Variants in SPTBN5 observed in about 807,000 individuals in gnomAD.
SPTBN5 encodes spectrin beta chain, non-erythrocytic 5.
In SPTBN5, 513 loss-of-function variants were observed where a neutral mutation model predicts 477.6. The observed-to-expected ratio is 1.07, with a 90% confidence interval of 1.00 to 1.16. SPTBN5 has a LOEUF of 1.16. Among genes scored for constraint, SPTBN5 ranks in the 50% most tolerant of loss-of-function variants. The pLI is 0.00. For missense variants in SPTBN5, 5,062 were observed against 4,731.8 expected (o/e 1.07, Z -2.05); for synonymous variants, 2,169 against 2,011.7 (o/e 1.08, Z -2.09).
chr15:41,851,379 G>A lies in SPTBN5; in HGVS notation c.10657-10C>T, dbSNP rs781032429. ...AGGAGCTCGAGCTAGGCTGTGGAGA[G>A]GAGGCGGGAAGGTCGCATGAGCCAC... On this transcript the variant is annotated splice_polypyrimidine_tract_variant and intron_variant, in intron 63 of 67. Coordinates refer to ENST00000320955, the MANE Select transcript of SPTBN5 (RefSeq NM_016642.4). 6.5e-7 allele frequency: 1 copy of A among 1,549,744 alleles called. No homozygotes were observed. Among genetic ancestry groups the A allele is most frequent in the Admixed American group, 2.0e-5 (1 of 50,946 alleles).
Position 41,852,874 on chromosome 15 carries a change from C to T in SPTBN5, c.10297G>A (p.Glu3433Lys). 6.2e-7 allele frequency: 1 copy of T among 1,607,670 alleles called. No homozygotes were observed. The highest frequency in any genetic ancestry group is 8.5e-7 in the Non-Finnish European group (1 of 1,176,512). The change falls in exon 60 of 68, where the codon GAG becomes AAG. Residue 3433 changes from glutamate to lysine, a missense_variant. Physicochemically the swap from Glu to Lys is moderately conservative, Grantham distance 56. Transcript: ENST00000320955. The stretch of plus-strand genomic sequence containing the variant: ...CCCTCCCAGCAGGCCAGCCAGGCCT[C>T]AGCCTGCTCCAGCCTCTGCCGAAGC... ...QKLRQRLEQA[E>K]AWLACWEGLL... is the part of the protein sequence containing the mutation.
rs574356509 is a variant in SPTBN5, at chr15:41,855,694, C to T, written c.9073G>A (p.Glu3025Lys). ...LAERGHVLDSEDMGHSAEATQ... is the reference protein window; with the variant it reads ...LAERGHVLDSKDMGHSAEATQ... ...GCTTCAGCACTGTGGCCCATGTCCTCGCTGTCCAGGACATGGCCCCGCTCA... is the reference window on the plus strand; with the variant it reads ...GCTTCAGCACTGTGGCCCATGTCCTTGCTGTCCAGGACATGGCCCCGCTCA... The change falls in exon 54 of 68, where the codon GAG becomes AAG. Residue 3025 changes from glutamate (E) to lysine (K), a missense_variant. Physicochemically the swap from Glu to Lys is moderately conservative, Grantham distance 56 (BLOSUM62 1). Transcript: ENST00000320955. 1.5e-5 allele frequency: 24 copies of T among 1,601,714 alleles called. No homozygotes were observed. The East Asian group carries it at 2.0e-4, about 14-fold the overall frequency.
At chr15:41,862,946 C>T (rs368603200) in intron 41 of SPTBN5, 43 bp from the exon 42 acceptor site, 3 of 1,528,606 alleles carry the variant, frequency 2.0e-6, no homozygotes, top group Non-Finnish European at 1.8e-6. Context: ...GCCTTTGCTT[C>T]GGCTCCTCCT....
Position 41,886,302 on chromosome 15 carries a change from A to G in SPTBN5, c.953T>C (p.Leu318Pro), listed in dbSNP as rs766350788. The change falls in exon 7 of 68, where the codon CTT (leucine) becomes CCT (proline). Residue 318 changes from leucine to proline, a missense_variant. Leu to Pro is a moderately conservative substitution (Grantham distance 98, BLOSUM62 -3). Transcript: ENST00000320955. ...CTGCTTCTCTGCAATCCAGCGTAGA[A>G]GGTCAGCCACCAGCTGCTCGTACTG... ...QTQYEQLVAD[L>P]LRWIAEKQMQ... 6.2e-7 allele frequency: 1 copy of G among 1,613,232 alleles called. No individual in the cohort carries two copies. The highest frequency in any genetic ancestry group is 8.5e-7 in the Non-Finnish European group (1 of 1,179,820).
At position 41,851,341 on chromosome 15, in the gene SPTBN5, C is replaced by CG. The variant is rs1567179440; in HGVS notation, c.10684dup (p.Arg3562ProfsTer15). The CG allele has an allele frequency of 3.2e-6, 5 of 1,550,920 alleles. No individual in the cohort carries two copies. The highest frequency in any genetic ancestry group is 4.4e-6 in the Non-Finnish European group (5 of 1,146,968). ...CAGAGAGCTGCCCTGCAAGTTCCCG[C>CG]GGCAGCTGTCCCAGGAGCTCGAGCT... is the stretch of plus-strand genomic sequence containing the variant. On this transcript the variant is annotated frameshift_variant, in exon 64 of 68. Coordinates refer to ENST00000320955, the MANE Select transcript of SPTBN5 (RefSeq NM_016642.4). LOFTEE classifies it high-confidence loss of function.
intron 34 of SPTBN5, 25 bp downstream of exon 34, chr15:41,868,044 A>T (rs1348556223): frequency 6.3e-7 from 1 of 1,584,200 alleles, no homozygotes; most frequent in Non-Finnish European, 8.5e-7. Flanking sequence ...GGCTGAGCGG[A>T]GTGTGAGGGC....
rs143702807 is a variant in SPTBN5 at position 41,867,980 on chromosome 15, A to C, written c.6207+89T>G. On this transcript the variant is annotated intron_variant, in intron 34 of 67. Transcript: ENST00000320955. ...TGCCTCATATTAGAGAAAAAGCCAGAGAGGCAGGAGGAAAGGGACTGAGCA... is the reference window on the plus strand; with the variant it reads ...TGCCTCATATTAGAGAAAAAGCCAGCGAGGCAGGAGGAAAGGGACTGAGCA... 3.8e-4 allele frequency: 555 copies of C among 1,449,732 alleles called. 2 individuals are homozygous for C. In the African/African-American group the frequency reaches 7.1e-3, roughly 18 times the overall value. 89.8% of individuals were successfully genotyped at this position (1,449,732 alleles called of 1,614,324 possible). A position where few individuals can be genotyped will look rare whatever the true frequency, so the allele number is the denominator to read the frequency against.
intron 66 of SPTBN5, 26 bp downstream of exon 66, chr15:41,850,828 C>G (rs771572547): frequency 9.6e-5 from 151 of 1,566,762 alleles, no homozygotes; most frequent in Non-Finnish European, 1.3e-4. Context: ...CGGCCGCCCT[C>G]CCCGCATCCT....
Position 41,857,021 on chromosome 15 carries a change from C to T in SPTBN5, c.8640G>A (p.Glu2880=). The T allele has an allele frequency of 1.2e-6, 2 of 1,603,742 alleles. No individual in the cohort carries two copies. Among genetic ancestry groups the T allele is most frequent in the Non-Finnish European group, 8.5e-7 (1 of 1,175,896 alleles). The stretch of plus-strand genomic sequence containing the variant: ...GGGCCGTCCTGCGCTCCTGCAGGGG[C>T]TCCCTCAGGCTCTTGAACCTGCAGC... ...RLLQRFKSLR[E]PLQERRTALE... The change falls in exon 52 of 68, where the codon GAG becomes GAA. Residue 2880 remains glutamate, a synonymous_variant. Transcript: ENST00000320955.
intron 5 of SPTBN5, among the ~76,000 whole-genome samples, chr15:41,887,677 G>GC (rs140918708): frequency 0.012 from 1,896 of 152,348 alleles, 41 homozygotes; most frequent in African/African-American, 0.043. Context: ...GGCAGGTGCT[G>GC]CAGGGTGTAG....
Position 41,887,443 on chromosome 15 carries a change from TG to T in SPTBN5, c.660-3del. On this transcript the variant is annotated splice_region_variant and splice_polypyrimidine_tract_variant and intron_variant, in intron 5 of 67. Transcript: ENST00000320955. The stretch of plus-strand genomic sequence containing the variant: ...GAGCCGTAGTCCAACAGGTCTGGCC[TG>T]GACAGACAGTGAGAAGGGCTCTTCA... The T allele has an allele frequency of 1.3e-6, 2 of 1,550,396 alleles. No homozygotes were observed. The highest frequency in any genetic ancestry group is 1.7e-6 in the Non-Finnish European group (2 of 1,146,466).
At position 41,867,062 on chromosome 15, in the gene SPTBN5, A is replaced by T. The variant is rs780127259; in HGVS notation, c.6377T>A (p.Ile2126Asn). Residue 2126 changes from isoleucine to asparagine, a missense_variant, in exon 36 of 68, where the codon ATC (isoleucine) becomes AAC (asparagine). By Grantham distance (149) the Ile-to-Asn change is moderately radical (BLOSUM62 -3). Transcript: ENST00000320955. ...CACTCTCATCCGGCGCTGCAGCAGG[A>T]TGGGAAGCCGGTCCCGCACCCGGGG... The part of the protein sequence containing the change: ...RRPRVRDRLP[I>N]LLQRRMRVKE... 86 of 1,549,862 alleles carry T rather than the reference A, an allele frequency of 5.5e-5. 1 individual carries two copies. The highest frequency in any genetic ancestry group is 7.5e-5 in the Non-Finnish European group (86 of 1,148,002).
chr15:41,850,990 A>G, intron 65 of SPTBN5, 51 bp from the exon 66 acceptor site: 1 of 1,588,332 alleles, frequency 6.3e-7, no homozygotes, highest in Non-Finnish European at 8.6e-7. Flanking sequence ...GGGGACCCCC[A>G]CGCCTCCAGC....
intron 22 of SPTBN5, 52 bp downstream of exon 22, chr15:41,875,406 C>T: frequency 6.4e-7 from 1 of 1,573,862 alleles, no homozygotes; most frequent in Non-Finnish European, 8.6e-7. Flanking sequence ...TTCTGTCCAG[C>T]CCAGCCAGGC....
chr15:41,851,340 G>T lies in SPTBN5; in HGVS notation c.10686C>A (p.Arg3562=), dbSNP rs75456764. ...QPSSSSWDSC[R]GNLQGSSLSL... ...TCAGAGAGCTGCCCTGCAAGTTCCC[G>T]CGGCAGCTGTCCCAGGAGCTCGAGC... is the stretch of plus-strand genomic sequence containing the variant. Residue 3562 remains arginine (R), a synonymous_variant, in exon 64 of 68, where the codon CGC becomes CGA. Transcript: ENST00000320955. 2 of 1,550,918 alleles carry T rather than the reference G, an allele frequency of 1.3e-6. No homozygotes were observed.
chr15:41,864,150 A>G, intron 39 of SPTBN5, 126 bp from the exon 40 acceptor site: 1 of 786,948 alleles, frequency 1.3e-6, no homozygotes, highest in East Asian at 2.6e-5. Flanking sequence ...GGGCAGTGGG[A>G]AGAACTGCCT....
At position 41,881,073 on chromosome 15, in the gene SPTBN5, G is replaced by A. The variant is rs1282474908; in HGVS notation, c.2619C>T (p.His873=). The change falls in exon 13 of 68, where the codon CAC becomes CAT. Residue 873 remains histidine, a synonymous_variant. Transcript: ENST00000320955. Reference sequence around the variant, plus strand: ...GCAGACTCTCATAGTCCTGACTCAAGTGGTCCTGTGTCTGGAGTATAGTGT... The same window carrying A: ...GCAGACTCTCATAGTCCTGACTCAAATGGTCCTGTGTCTGGAGTATAGTGT... ...DPNTILQTQD[H]LSQDYESLRA... The A allele has an allele frequency of 1.2e-6, 2 of 1,607,246 alleles. No homozygotes were observed. The highest frequency in any genetic ancestry group is 2.7e-5 in the African/African-American group (2 of 74,810).
At chr15:41,862,704 G>A in intron 42 of SPTBN5, 44 bp from the exon 43 acceptor site, 2 of 1,539,814 alleles carry the variant, frequency 1.3e-6, no homozygotes, top group African/African-American at 1.4e-5. Context: ...GGGGAGCTCT[G>A]GGCCACCCAA....
chr15:41,874,845 C>T lies in SPTBN5; in HGVS notation c.4499G>A (p.Arg1500Gln), dbSNP rs147595346. 26 of 1,603,834 alleles carry T rather than the reference C, an allele frequency of 1.6e-5. No homozygotes were observed. Among genetic ancestry groups the T allele is most frequent in the African/African-American group, 5.3e-5 (4 of 74,852 alleles). The change falls in exon 23 of 68, where the codon CGG becomes CAG. Residue 1500 changes from arginine (R) to glutamine (Q), a missense_variant. Arg to Gln is a conservative substitution (Grantham distance 43). Coordinates refer to ENST00000320955, the MANE Select transcript of SPTBN5 (RefSeq NM_016642.4). ...AILEETQKHL[R>Q]RLELLQGHLA... ...TGGGTGGGAGGACAGACCCCACCTC[C>T]GGAGGTGCTTCTGGGTCTCTTCCAG...
Sources: allele counts gnomAD v4.1 joint callset (sites outside exome capture counted in the v4.1 genomes callset), GRCh38; gene constraint gnomAD v4.1.1; transcripts MANE v1.5; gene names NCBI Gene and HGNC (gene_info 2026-07-23, HGNC 2026-07-21).